The following CATSPERB variants were observed in gnomAD, a reference collection of about 807,000 sequenced individuals.
The protein encoded by CATSPERB is cation channel sperm-associated auxiliary subunit beta.
CATSPERB carries 93 observed loss-of-function variants against 128.3 expected under a neutral mutation model. That is an observed-to-expected ratio of 0.72 (90% CI 0.61 to 0.86). The LOEUF is 0.86. Ranked by LOEUF, CATSPERB falls within the 40% of genes least tolerant of loss-of-function variation. The pLI is 0.00. For missense variants in CATSPERB, 1,153 were observed against 1,329.5 expected, an observed-to-expected ratio of 0.87 and a Z score of 2.06; for synonymous variants, 381 against 448.8, an observed-to-expected ratio of 0.85 and a Z score of 1.91.
chr14:91,597,004 A>C (rs1704663), intron 22 of CATSPERB, among the ~76,000 whole-genome samples: 95,875 of 151,074 alleles, frequency 0.63, 31,564 homozygotes, highest in Admixed American at 0.75. Context: ...CTCCTGCCTC[A>C]GCCTCCTGAG....
intron 9 of CATSPERB, 87 bp from the exon 10 acceptor site, chr14:91,691,642 A>G (rs1351008659): frequency 9.8e-7 from 1 of 1,016,078 alleles, no homozygotes; most frequent in Non-Finnish European, 1.5e-6. Context: ...TAAAGGAAAT[A>G]AACCATATAA....
intron 17 of CATSPERB, among the ~76,000 whole-genome samples, chr14:91,630,502 C>T (rs1008997066): frequency 6.6e-6 from 1 of 152,130 alleles, no homozygotes; most frequent in Admixed American, 6.6e-5. Context: ...TCTGAATTAC[C>T]CTGCCTGATA....
rs1895994445 is a variant in CATSPERB, at chr14:91,719,481, TG to T, written c.310-4del. ...AACCACAAAATCCGATCACTGAACT[TG>T]AATAAAGAAGACATCAGAAAACAAT... On this transcript the variant is annotated splice_polypyrimidine_tract_variant and splice_region_variant and intron_variant, in intron 4 of 26. Transcript: ENST00000256343. The T allele has an allele frequency of 1.2e-6, 2 of 1,608,456 alleles. No homozygotes were observed. The highest frequency in any genetic ancestry group is 1.7e-6 in the Non-Finnish European group (2 of 1,176,654).
chr14:91,611,798 T>G (rs947470653), intron 20 of CATSPERB, among the ~76,000 whole-genome samples: 36 of 152,356 alleles, frequency 2.4e-4, no homozygotes, highest in Middle Eastern at 3.4e-3. Context: ...TATTCCACAA[T>G]GGTAATCATT....
intron 14 of CATSPERB, among the ~76,000 whole-genome samples, chr14:91,661,040 C>T (rs998794782): frequency 2.6e-5 from 4 of 152,152 alleles, no homozygotes; most frequent in African/African-American, 9.7e-5. Flanking sequence ...ATAGGTGCTT[C>T]TGTTACTCAG....
intron 4 of CATSPERB, among the ~76,000 whole-genome samples, chr14:91,720,824 A>G (rs1030021321): frequency 1.3e-5 from 2 of 152,222 alleles, no homozygotes; most frequent in African/African-American, 4.8e-5. Context: ...CCTGATTTCA[A>G]ACTGTAGTAC....
intron 17 of CATSPERB, among the ~76,000 whole-genome samples, chr14:91,634,983 G>T (rs1220835177): frequency 1.3e-5 from 2 of 151,930 alleles, no homozygotes; most frequent in African/African-American, 2.4e-5. Flanking sequence ...TGAGATCAAG[G>T]TGCCAGCAGA....
chr14:91,723,679 G>A (rs1481454558), intron 3 of CATSPERB, among the ~76,000 whole-genome samples: 1 of 152,008 alleles, frequency 6.6e-6, no homozygotes, highest in African/African-American at 2.4e-5. Context: ...GATCGCTTTG[G>A]GCAAGTTCCC....
chr14:91,653,473 C>A (rs557078906), intron 15 of CATSPERB, among the ~76,000 whole-genome samples: 6 of 152,096 alleles, frequency 3.9e-5, no homozygotes, highest in Admixed American at 2.6e-4. Context: ...TCAAGACATG[C>A]CCGAGACTGG....
rs1314851512 is a variant in CATSPERB at position 91,693,261 on chromosome 14, T to A, written c.713-17A>T. 5 of 1,586,688 alleles carry A rather than the reference T, an allele frequency of 3.2e-6. No homozygotes were observed. The highest frequency in any genetic ancestry group is 4.3e-6 in the Non-Finnish European group (5 of 1,157,486). ...CTTCATATTCTAAACGAAGAAATCA[T>A]ACCATGGATTAAAAAGTAAGAAAAA... On this transcript the variant is annotated splice_polypyrimidine_tract_variant and intron_variant, in intron 8 of 26. Transcript: ENST00000256343.
chr14:91,648,971 C>T (rs1894655562), intron 15 of CATSPERB, among the ~76,000 whole-genome samples: 1 of 150,844 alleles, frequency 6.6e-6, no homozygotes, highest in African/African-American at 2.5e-5. Flanking sequence ...CCTGGCACTT[C>T]CCATTCACCT....
At chr14:91,697,469 G>A (rs1269305629) in intron 7 of CATSPERB, among the ~76,000 whole-genome samples, 1 of 152,048 alleles carries the variant, frequency 6.6e-6, no homozygotes, top group Non-Finnish European at 1.5e-5. Flanking sequence ...CAGATACTAC[G>A]GATTTCAGAG....
At chr14:91,692,473 T>G (rs559970995) in intron 9 of CATSPERB, among the ~76,000 whole-genome samples, 1 of 152,190 alleles carries the variant, frequency 6.6e-6, no homozygotes, top group Non-Finnish European at 1.5e-5. Context: ...AAATGGTACT[T>G]TCTCAGAGAT....
intron 5 of CATSPERB, among the ~76,000 whole-genome samples, chr14:91,715,489 T>C (rs1325922941): frequency 1.3e-5 from 2 of 148,888 alleles, no homozygotes; most frequent in African/African-American, 2.5e-5. Context: ...GAGGCGGAGG[T>C]TGTGGTGAGC....
Position 91,704,424 on chromosome 14 carries a change from T to C in CATSPERB, c.616+128A>G, listed in dbSNP as rs1024529562. 4 of 876,478 alleles carry C rather than the reference T, an allele frequency of 4.6e-6. No individual in the cohort carries two copies. In the African/African-American group the frequency reaches 5.1e-5, roughly 11 times the overall value. The allele number at this position is 876,478 out of a possible 1,614,324, so 54.3% of individuals were successfully genotyped here. A position where few individuals can be genotyped will look rare whatever the true frequency, so the allele number is the denominator to read the frequency against. On this transcript the variant is annotated intron_variant, in intron 7 of 26. Coordinates refer to ENST00000256343, the MANE Select transcript of CATSPERB (RefSeq NM_024764.4). Reference sequence around the variant, plus strand: ...ACAAGATACAGTATTGAATAATAAATTTTTAGGTATTTTTAGGAAACAATT... The same window carrying C: ...ACAAGATACAGTATTGAATAATAAACTTTTAGGTATTTTTAGGAAACAATT...
chr14:91,609,448 G>A (rs981881318), intron 21 of CATSPERB, among the ~76,000 whole-genome samples: 4 of 152,196 alleles, frequency 2.6e-5, no homozygotes, highest in African/African-American at 9.6e-5. Flanking sequence ...CACCCAAGTA[G>A]CACCAGAAGG....
chr14:91,618,319 C>T (rs1461702940), intron 19 of CATSPERB, among the ~76,000 whole-genome samples: 6 of 152,148 alleles, frequency 3.9e-5, no homozygotes, highest in Non-Finnish European at 7.3e-5. Context: ...GTGCTAACCT[C>T]GTATCTCATC....
At chr14:91,711,083 C>T (rs1895832475) in intron 5 of CATSPERB, among the ~76,000 whole-genome samples, 1 of 152,168 alleles carries the variant, frequency 6.6e-6, no homozygotes, top group Admixed American at 6.5e-5. Context: ...CAGCTGAGTC[C>T]ATCTGATAAT....
Position 91,610,646 on chromosome 14 carries a change from G to T in CATSPERB, c.2432C>A (p.Ser811Ter). Residue 811 changes from serine (S) to a stop codon, truncating the protein, a stop_gained, in exon 21 of 27, where the codon TCA becomes TAA. Transcript: ENST00000256343. LOFTEE classifies it high-confidence loss of function. ...CGTAACAAAGCACTCAGTAGAGGCTGACCACATAATAAATGCCAGTGAAGT... is the reference window on the plus strand; with the variant it reads ...CGTAACAAAGCACTCAGTAGAGGCTTACCACATAATAAATGCCAGTGAAGT... ...GSTSLAFIMW[S>*]ASTECFVTTM... The T allele has an allele frequency of 6.2e-7, 1 of 1,612,014 alleles. No homozygotes were observed. The highest frequency in any genetic ancestry group is 1.1e-5 in the South Asian group (1 of 91,018).
Sources: gnomAD v4.1 joint callset for allele counts (sites outside exome capture counted in the v4.1 genomes callset) on GRCh38, gnomAD v4.1.1 for gene constraint, MANE v1.5 for transcripts, NCBI Gene and HGNC (gene_info 2026-07-23, HGNC 2026-07-21) for gene names.